Variants in ZNG1C observed in about 807,000 individuals in gnomAD.
ZNG1C encodes the protein Zn regulated GTPase metalloprotein activator 1C, also known as zinc-regulated GTPase metalloprotein activator 1C.
the ZNG1C span, among the ~76,000 whole-genome samples, chr9:68,287,719 G>C: frequency 3.3e-5 from 5 of 150,486 alleles, no homozygotes; most frequent in African/African-American, 4.8e-5. Context: ...AGCCTCTGTA[G>C]GAGATTCTGA....
the ZNG1C span, chr9:68,272,466 G>A: frequency 3.0e-5 from 2 of 66,816 alleles, 1 homozygote; most frequent in East Asian, 6.4e-4. Context: ...CGATTTTAAT[G>A]CTTTGGAAAA....
chr9:68,288,460 T>G, the ZNG1C span, among the ~76,000 whole-genome samples: 2 of 152,150 alleles, frequency 1.3e-5, no homozygotes, highest in Non-Finnish European at 2.9e-5. Context: ...TTGTTTTTGT[T>G]TTTGTTTTTT....
the ZNG1C span, chr9:68,299,143 G>T: frequency 6.3e-7 from 1 of 1,598,638 alleles, no homozygotes; most frequent in Non-Finnish European, 8.5e-7. Flanking sequence ...AAATATATTT[G>T]AAAGGGATAT....
the ZNG1C span, among the ~76,000 whole-genome samples, chr9:68,290,049 ACTAT>A: frequency 7.1e-6 from 1 of 141,500 alleles, no homozygotes; most frequent in East Asian, 2.0e-4. Context: ...ATTAGAACCA[ACTAT>A]GAGTTGTGAC....
At chr9:68,276,558 G>C in the ZNG1C span, among the ~76,000 whole-genome samples, 1 of 150,018 alleles carries the variant, frequency 6.7e-6, no homozygotes, top group African/African-American at 2.5e-5. Context: ...TTATTAAATA[G>C]GGAATCCTTT....
the ZNG1C span, among the ~76,000 whole-genome samples, chr9:68,294,840 C>A: frequency 1.3e-5 from 2 of 151,302 alleles, no homozygotes; most frequent in African/African-American, 4.9e-5. Flanking sequence ...CAGGAAAGGA[C>A]ATAACCAAAG....
At chr9:68,292,237 CAGA>C in the ZNG1C span, among the ~76,000 whole-genome samples, 1 of 146,476 alleles carries the variant, frequency 6.8e-6, no homozygotes, top group African/African-American at 2.5e-5. Context: ...GAGAAGGAAC[CAGA>C]AAACCGACCC....
the ZNG1C span, among the ~76,000 whole-genome samples, chr9:68,276,666 C>G: frequency 1.3e-3 from 116 of 90,798 alleles, no homozygotes; most frequent in Middle Eastern, 5.4e-3. Flanking sequence ...TGATCTATAT[C>G]TCTGTTTTGG....
At chr9:68,249,139 G>A in the ZNG1C span, 3 of 559,370 alleles carry the variant, frequency 5.4e-6, no homozygotes, top group Non-Finnish European at 9.5e-6. Flanking sequence ...GATTGATTTA[G>A]GATTATTTGT....
the ZNG1C span, among the ~76,000 whole-genome samples, chr9:68,282,126 GTCAC>G: frequency 7.8e-6 from 1 of 127,774 alleles, no homozygotes; most frequent in Non-Finnish European, 1.6e-5. Flanking sequence ...GGGGTTCTCT[GTCAC>G]TCAGGCTGGA....
the ZNG1C span, among the ~76,000 whole-genome samples, chr9:68,276,106 T>G: frequency 6.6e-6 from 1 of 151,338 alleles, no homozygotes; most frequent in Non-Finnish European, 1.5e-5. Flanking sequence ...TGTCTTCTTT[T>G]GAGAAGTGTC....
chr9:68,299,311 A>G, the ZNG1C span: 4 of 653,174 alleles, frequency 6.1e-6, no homozygotes, highest in Non-Finnish European at 1.1e-5. Flanking sequence ...CCAAGGACCA[A>G]TGTGACTTTG....
At chr9:68,271,968 G>T in the ZNG1C span, among the ~76,000 whole-genome samples, 2 of 149,352 alleles carry the variant, frequency 1.3e-5, no homozygotes, top group East Asian at 3.9e-4. Flanking sequence ...TGCCACTGGG[G>T]AAGGCTTTTG....
At chr9:68,256,685 G>C in the ZNG1C span, among the ~76,000 whole-genome samples, 1 of 131,998 alleles carries the variant, frequency 7.6e-6, no homozygotes, top group African/African-American at 2.9e-5. Context: ...GGTTAGAATT[G>C]GTCTTTTTTA....
At chr9:68,268,540 T>C in the ZNG1C span, among the ~76,000 whole-genome samples, 1 of 152,068 alleles carries the variant, frequency 6.6e-6, no homozygotes, top group East Asian at 1.9e-4. Context: ...ATTTCTACCA[T>C]GTATGCCTGA....
chr9:68,288,487 G>A, the ZNG1C span, among the ~76,000 whole-genome samples: 7 of 151,902 alleles, frequency 4.6e-5, no homozygotes, highest in Non-Finnish European at 7.4e-5. Context: ...TTTCTGAGAC[G>A]GAGTCTCGCT....
At chr9:68,266,598 TC>T in the ZNG1C span, among the ~76,000 whole-genome samples, 2 of 147,468 alleles carry the variant, frequency 1.4e-5, no homozygotes, top group Non-Finnish European at 3.0e-5. Flanking sequence ...ATGTCAGTCT[TC>T]CCTAACTTTA....
chr9:68,256,003 G>A, the ZNG1C span, among the ~76,000 whole-genome samples: 2 of 152,194 alleles, frequency 1.3e-5, no homozygotes, highest in Non-Finnish European at 2.9e-5. Flanking sequence ...GAAACCATTA[G>A]ATCTTGTGGC....
the ZNG1C span, among the ~76,000 whole-genome samples, chr9:68,244,168 A>G: frequency 2.0e-5 from 1 of 50,504 alleles, no homozygotes; most frequent in African/African-American, 6.8e-5. Flanking sequence ...TTTTCATAAT[A>G]TGGTTAAAAA....
Sources: allele counts gnomAD v4.1 joint callset (sites outside exome capture counted in the v4.1 genomes callset), GRCh38; gene constraint gnomAD v4.1.1; transcripts MANE v1.5; gene names NCBI Gene and HGNC (gene_info 2026-07-23, HGNC 2026-07-21).